The following FRYL variants were observed in gnomAD, a reference collection of about 807,000 sequenced individuals.
The protein encoded by FRYL is FRY like transcription coactivator, also known as protein furry homolog-like.
FRYL carries 150 observed loss-of-function variants against 351.2 expected under a neutral mutation model. That is an observed-to-expected ratio of 0.43 (90% CI 0.37 to 0.49). FRYL has a LOEUF of 0.49. FRYL is among the 20% of genes least tolerant of loss of function. The pLI, the probability that FRYL is intolerant of heterozygous loss-of-function variation, is 0.00. For missense variants in FRYL, 3,036 were observed against 3,619.3 expected, an observed-to-expected ratio of 0.84 and a Z score of 4.13; for synonymous variants, 1,153 against 1,257.1, an observed-to-expected ratio of 0.92 and a Z score of 1.75.
intron 1 of FRYL, among the ~76,000 whole-genome samples, chr4:48,711,733 T>A (rs1201932152): frequency 1.3e-5 from 2 of 152,174 alleles, no homozygotes; most frequent in Non-Finnish European, 1.5e-5. Flanking sequence ...AGCATGCAGC[T>A]GGAGATCTGA....
At chr4:48,610,039 A>C (rs1017209053) in intron 7 of FRYL, among the ~76,000 whole-genome samples, 2 of 152,180 alleles carry the variant, frequency 1.3e-5, no homozygotes, top group African/African-American at 4.8e-5. Context: ...TTAGCTTCAT[A>C]ATCACAAATC....
At chr4:48,743,979 T>C (rs1772401120) in intron 1 of FRYL, among the ~76,000 whole-genome samples, 1 of 152,244 alleles carries the variant, frequency 6.6e-6, no homozygotes, top group Non-Finnish European at 1.5e-5. Flanking sequence ...TGTGTACATG[T>C]GTGTGCACTG....
At chr4:48,700,815 T>G (rs1294834531) in intron 2 of FRYL, among the ~76,000 whole-genome samples, 1 of 136,500 alleles carries the variant, frequency 7.3e-6, no homozygotes, top group African/African-American at 2.7e-5. Flanking sequence ...AAAATTAAAT[T>G]AAAAAAAAAA....
At position 48,567,342 on chromosome 4, in the gene FRYL, G is replaced by A. The variant is rs1737007576; in HGVS notation, c.3075C>T (p.Leu1025=). Residue 1025 remains leucine (L), a synonymous_variant, in exon 28 of 64, where the codon CTC becomes CTT. Transcript: ENST00000358350. The surrounding 1 kb of genome is among the most constrained non-coding windows in gnomAD (Gnocchi z 4.2). ...AGTCTTTTTCATTTTCTGCTTCCAG[G>A]AGTTGTCTAGTTAAATCTACATATT... ...LLEYVDLTRQ[L]LEAENEKDSD... is the part of the protein sequence containing the mutation. 2 of 1,612,312 alleles carry A rather than the reference G, an allele frequency of 1.2e-6. No individual in the cohort carries two copies. Among genetic ancestry groups the A allele is most frequent in the African/African-American group, 2.7e-5 (2 of 74,840 alleles).
chr4:48,512,682 A>G lies in FRYL; in HGVS notation c.7944T>C (p.Asp2648=). Residue 2648 remains aspartate, a synonymous_variant, in exon 57 of 64, where the codon GAT becomes GAC. Transcript: ENST00000358350. ...EADFSGLSSQ[D]EEEQDGFPEV... Reference sequence around the variant, plus strand: ...CTGGAAAACCATCTTGCTCTTCTTCATCTTGACTATTAACACAGATATCAT... The same window carrying G: ...CTGGAAAACCATCTTGCTCTTCTTCGTCTTGACTATTAACACAGATATCAT... 6.2e-7 allele frequency: 1 copy of G among 1,610,270 alleles called. No homozygotes were observed. The highest frequency in any genetic ancestry group is 8.5e-7 in the Non-Finnish European group (1 of 1,176,568).
intron 3 of FRYL, among the ~76,000 whole-genome samples, chr4:48,661,826 A>G (rs79667275): frequency 0.041 from 6,306 of 152,320 alleles, 285 homozygotes; most frequent in East Asian, 0.23. Flanking sequence ...GCAATTATAA[A>G]TAAGTTCCAG....
intron 35 of FRYL, among the ~76,000 whole-genome samples, chr4:48,556,279 A>G (rs181364757): frequency 2.6e-5 from 4 of 152,372 alleles, no homozygotes; most frequent in Middle Eastern, 3.4e-3. Flanking sequence ...ATAGATATCT[A>G]TATCTGCATC....
chr4:48,525,241 T>C (rs1313162747), intron 53 of FRYL, among the ~76,000 whole-genome samples: 2 of 150,524 alleles, frequency 1.3e-5, no homozygotes, highest in Non-Finnish European at 2.9e-5. Flanking sequence ...TGTGGATTAG[T>C]GTCAAAAAAA....
chr4:48,673,569 A>T (rs569134406), intron 3 of FRYL, among the ~76,000 whole-genome samples: 8 of 150,214 alleles, frequency 5.3e-5, no homozygotes, highest in African/African-American at 9.7e-5. Context: ...CTAGTCTTTT[A>T]AAAAAAAAAT....
At chr4:48,686,881 G>A (rs770368984) in intron 2 of FRYL, among the ~76,000 whole-genome samples, 5 of 152,206 alleles carry the variant, frequency 3.3e-5, no homozygotes, top group Non-Finnish European at 7.3e-5. Context: ...CACTTCTTCA[G>A]CAGACACACA....
chr4:48,526,067 ATG>A (rs1238505203), intron 53 of FRYL, among the ~76,000 whole-genome samples: 1 of 151,194 alleles, frequency 6.6e-6, no homozygotes, highest in Non-Finnish European at 1.5e-5. Flanking sequence ...GAGTTGATGA[ATG>A]TGTATGAGCT....
chr4:48,521,320 T>G, intron 54 of FRYL, 105 bp from the exon 55 acceptor site: 1 of 766,538 alleles, frequency 1.3e-6, no homozygotes, highest in Non-Finnish European at 2.0e-6. Context: ...AAAGAGCTTC[T>G]GAGATTTCCT....
At chr4:48,608,886 G>A (rs888143904) in intron 9 of FRYL, 101 bp downstream of exon 9, 2 of 769,454 alleles carry the variant, frequency 2.6e-6, no homozygotes, top group African/African-American at 3.5e-5. Flanking sequence ...TAGTGCTATG[G>A]AAAATGGTGG....
In FRYL at chr4:48,755,612, A is replaced by C. The variant is rs908046967; in HGVS notation, c.-384+24466T>G. ...ATATGTTCTCCTGACCCACACTCTA[A>C]TAATCCTCTCTAAAAACAAGGCTAA... On this transcript the variant is annotated intron_variant, in intron 1 of 63. Transcript: ENST00000358350. Among the ~76,000 whole-genome samples the C allele has an allele frequency of 1.3e-4, 20 of 152,202 alleles. 1 individual carries two copies. The highest frequency in any genetic ancestry group is 4.8e-4 in the African/African-American group (20 of 41,456).
rs572348081 is a variant in FRYL, at chr4:48,691,626, A to G, written c.-203-6831T>C. ...CTTAAACAGTGCTTGACACACAGTAAGTACTCAATAATGGTAATATTTATT... is the reference window on the plus strand; with the variant it reads ...CTTAAACAGTGCTTGACACACAGTAGGTACTCAATAATGGTAATATTTATT... On this transcript the variant is annotated intron_variant, in intron 2 of 63. Transcript: ENST00000358350. Among the ~76,000 whole-genome samples, 5 of 152,262 alleles carry G rather than the reference A, an allele frequency of 3.3e-5. No homozygotes were observed. The South Asian group carries it at 1.0e-3, about 32-fold the overall frequency.
chr4:48,616,740 G>A (rs926003864), intron 7 of FRYL, among the ~76,000 whole-genome samples: 16 of 152,114 alleles, frequency 1.1e-4, no homozygotes, highest in Non-Finnish European at 1.5e-4. Context: ...TATTTTACTC[G>A]TCAAGACTGA....
chr4:48,638,812 C>T (rs575723326), intron 3 of FRYL, among the ~76,000 whole-genome samples: 20 of 152,004 alleles, frequency 1.3e-4, no homozygotes, highest in Middle Eastern at 3.4e-3. Flanking sequence ...TGCGGGGATA[C>T]GGATGAGGCT....
At chr4:48,514,310 C>T (rs1016345984) in intron 56 of FRYL, among the ~76,000 whole-genome samples, 3 of 151,962 alleles carry the variant, frequency 2.0e-5, no homozygotes, top group African/African-American at 7.2e-5. Flanking sequence ...AATATTGAAC[C>T]ACAAATATTT....
intron 1 of FRYL, among the ~76,000 whole-genome samples, chr4:48,733,116 A>G (rs1264820770): frequency 6.6e-6 from 1 of 151,802 alleles, no homozygotes; most frequent in Non-Finnish European, 1.5e-5. Context: ...CTCTACTAAA[A>G]ATACAAAAAT....
Sources: gnomAD v4.1 joint callset for allele counts (sites outside exome capture counted in the v4.1 genomes callset) on GRCh38, gnomAD v4.1.1 for gene constraint, Gnocchi (gnomAD v3.1) non-coding constraint, MANE v1.5 for transcripts, NCBI Gene and HGNC (gene_info 2026-07-23, HGNC 2026-07-21) for gene names.